Variants in ERC1 observed in about 807,000 individuals in gnomAD.
ERC1 encodes RAB6 interacting protein 2.
ERC1 carries 56 observed loss-of-function variants against 132.0 expected under a neutral mutation model. That is an observed-to-expected ratio of 0.42 (90% confidence interval 0.34 to 0.53). The LOEUF is 0.53. Among genes scored for constraint, ERC1 ranks in the 20% least tolerant of loss-of-function variants. The pLI is 0.03. For synonymous variants in ERC1, 478 were observed against 476.1 expected, an observed-to-expected ratio of 1.00 and a Z score of -0.05; for missense variants, 1,202 against 1,349.9, an observed-to-expected ratio of 0.89 and a Z score of 1.72.
intron 7 of ERC1, among the ~76,000 whole-genome samples, chr12:1,135,133 A>G (rs972297706): frequency 2.6e-5 from 4 of 152,306 alleles, no homozygotes; most frequent in East Asian, 1.9e-4. Context: ...AGGCTTCTCT[A>G]GAGCAGGGTA....
At chr12:1,255,200 G>GT (rs1360190075) in intron 13 of ERC1, among the ~76,000 whole-genome samples, 2 of 151,938 alleles carry the variant, frequency 1.3e-5, no homozygotes, top group African/African-American at 4.8e-5. Context: ...GCGGTGTTTG[G>GT]TTTTCTGTTC....
intron 7 of ERC1, among the ~76,000 whole-genome samples, chr12:1,119,553 G>A: frequency 9.5e-6 from 1 of 104,900 alleles, no homozygotes; most frequent in African/African-American, 4.0e-5. Flanking sequence ...GTGTGTGTGT[G>A]TGTGTGTGTG....
chr12:1,297,725 A>C (rs1186200098), intron 15 of ERC1, among the ~76,000 whole-genome samples: 4 of 151,710 alleles, frequency 2.6e-5, no homozygotes, highest in East Asian at 1.9e-4. Context: ...AAAAAAAAAA[A>C]AAAACACAGA....
At chr12:1,309,016 A>G (rs1442873531) in intron 15 of ERC1, among the ~76,000 whole-genome samples, 1 of 152,218 alleles carries the variant, frequency 6.6e-6, no homozygotes, top group African/African-American at 2.4e-5. Context: ...AAAAGCTGTG[A>G]GTAGATGCCA....
chr12:1,401,665 C>G (rs1454709111), intron 16 of ERC1, among the ~76,000 whole-genome samples: 2 of 150,610 alleles, frequency 1.3e-5, no homozygotes, highest in African/African-American at 4.9e-5. Context: ...ATTAAATTAC[C>G]TAAAGCTCTC....
chr12:1,391,160 A>T (rs1479365542), intron 16 of ERC1: 3 of 152,256 alleles, frequency 2.0e-5, no homozygotes, highest in Non-Finnish European at 4.4e-5. Context: ...GTTGGATGTT[A>T]TGCGATATGA....
chr12:1,105,599 C>T (rs916484060), intron 4 of ERC1, among the ~76,000 whole-genome samples: 6 of 152,090 alleles, frequency 3.9e-5, no homozygotes, highest in Non-Finnish European at 7.4e-5. Context: ...CCTCGTTATC[C>T]GCCCGCCTCG....
intron 1 of ERC1, among the ~76,000 whole-genome samples, chr12:1,012,167 C>T (rs1386784017): frequency 6.6e-6 from 1 of 152,158 alleles, no homozygotes; most frequent in African/African-American, 2.4e-5. Context: ...CATAGAATTA[C>T]TGGATCAAAA....
At position 1,141,610 on chromosome 12, in the gene ERC1, A is replaced by T; in HGVS notation, c.1570-10A>T. On this transcript the variant is annotated splice_polypyrimidine_tract_variant and intron_variant, in intron 7 of 18. Coordinates refer to ENST00000360905, the MANE Select transcript of ERC1 (RefSeq NM_178040.4). ...TTAATTCATCACTTGTAAAACTCCT[A>T]CATTCTTAGGTGGATGCTCTCCGAT... 6.3e-7 allele frequency: 1 copy of T among 1,593,322 alleles called. No individual in the cohort carries two copies. The highest frequency in any genetic ancestry group is 8.5e-7 in the Non-Finnish European group (1 of 1,171,290).
At chr12:1,344,403 T>C (rs1374696534) in intron 15 of ERC1, among the ~76,000 whole-genome samples, 1 of 152,140 alleles carries the variant, frequency 6.6e-6, no homozygotes, top group African/African-American at 2.4e-5. Flanking sequence ...TCTCTTTGCA[T>C]TGAGTGAAGA....
chr12:1,400,045 G>C (rs2090888565), intron 16 of ERC1, among the ~76,000 whole-genome samples: 1 of 146,532 alleles, frequency 6.8e-6, no homozygotes, highest in Non-Finnish European at 1.5e-5. Context: ...ACCAACACTT[G>C]TTATTGACTT....
At chr12:1,030,452 G>A (rs2154151929) in intron 2 of ERC1, among the ~76,000 whole-genome samples, 1 of 152,310 alleles carries the variant, frequency 6.6e-6, no homozygotes, top group Non-Finnish European at 1.5e-5. Flanking sequence ...GCCAGGTGTG[G>A]TAGCTCGCAC....
At chr12:1,264,512 A>G (rs1333011694) in intron 14 of ERC1, among the ~76,000 whole-genome samples, 2 of 151,986 alleles carry the variant, frequency 1.3e-5, no homozygotes, top group African/African-American at 4.8e-5. Flanking sequence ...AAAATACAAA[A>G]AATTAGCTGG....
intron 15 of ERC1, among the ~76,000 whole-genome samples, chr12:1,353,210 G>T (rs185792161): frequency 0.066 from 10,011 of 151,672 alleles, 592 homozygotes; most frequent in African/African-American, 0.15. Flanking sequence ...TTTTGTATTT[G>T]TAGTAGAGAT....
intron 14 of ERC1, among the ~76,000 whole-genome samples, chr12:1,270,088 A>G (rs1236229382): frequency 3.3e-5 from 5 of 152,216 alleles, no homozygotes; most frequent in Non-Finnish European, 7.3e-5. Flanking sequence ...AGGAATGCAA[A>G]GAGTTGAGTT....
intron 17 of ERC1, among the ~76,000 whole-genome samples, chr12:1,417,713 A>G (rs550120105): frequency 6.6e-6 from 1 of 151,872 alleles, no homozygotes; most frequent in East Asian, 1.9e-4. Context: ...CGCAGGAGAC[A>G]AAGGTTGCAG....
intron 2 of ERC1, among the ~76,000 whole-genome samples, chr12:1,032,047 CTTT>C (rs368829263): frequency 3.6e-5 from 5 of 140,026 alleles, no homozygotes; most frequent in Admixed American, 7.2e-5. Context: ...TAATCTAATT[CTTT>C]TTTTTTTTTT....
At chr12:1,033,410 A>T (rs1175946523) in intron 2 of ERC1, among the ~76,000 whole-genome samples, 1 of 151,732 alleles carries the variant, frequency 6.6e-6, no homozygotes, top group Admixed American at 6.6e-5. Context: ...ACCTCAGGTA[A>T]TCCACCTGCC....
intron 13 of ERC1, among the ~76,000 whole-genome samples, chr12:1,245,132 C>T (rs774343356): frequency 5.9e-5 from 9 of 152,144 alleles, no homozygotes; most frequent in East Asian, 1.9e-4. Flanking sequence ...TATGCACATG[C>T]ACATGTAGAT....
Sources: gnomAD v4.1 joint callset for allele counts (sites outside exome capture counted in the v4.1 genomes callset) on GRCh38, gnomAD v4.1.1 for gene constraint, MANE v1.5 for transcripts, NCBI Gene and HGNC (gene_info 2026-07-23, HGNC 2026-07-21) for gene names.